Variants in CPED1 observed in about 807,000 individuals in gnomAD.
CPED1 encodes the protein cadherin like and PC-esterase domain containing 1.
CPED1 carries 114 observed loss-of-function variants against 128.2 expected under a neutral mutation model. That is an observed-to-expected ratio of 0.89 (90% confidence interval 0.76 to 1.04). CPED1 has a LOEUF of 1.04. Ranked by LOEUF, CPED1 falls within the 50% of genes least tolerant of loss-of-function variation. CPED1 has a pLI of 0.00. For synonymous variants in CPED1, 462 were observed against 426.7 expected, an observed-to-expected ratio of 1.08 and a Z score of -1.02; for missense variants, 1,211 against 1,207.1, an observed-to-expected ratio of 1.00 and a Z score of -0.05.
intron 5 of CPED1, among the ~76,000 whole-genome samples, chr7:121,069,739 G>A (rs1793942100): frequency 6.6e-6 from 1 of 152,090 alleles, no homozygotes; most frequent in Non-Finnish European, 1.5e-5. Flanking sequence ...GTTTTTTGTT[G>A]CTTTTTATTA....
intron 4 of CPED1, among the ~76,000 whole-genome samples, chr7:121,062,385 C>T (rs1793695669): frequency 6.6e-6 from 1 of 152,192 alleles, no homozygotes; most frequent in Admixed American, 6.5e-5. Context: ...TCTATTACAA[C>T]ACTACATTGT....
Position 121,295,697 on chromosome 7 carries a change from C to A in CPED1, c.*45C>A. The A allele has an allele frequency of 6.4e-7, 1 of 1,551,558 alleles. No homozygotes were observed. The highest frequency in any genetic ancestry group is 1.1e-5 in the South Asian group (1 of 88,928). ...AATCTGGAGCTGGAGACGAGCTAGT[C>A]ACCCGGACAATGGTCTAGGAGCCAA... On this transcript the variant is annotated 3_prime_UTR_variant, in exon 23 of 23. Coordinates refer to ENST00000310396, the MANE Select transcript of CPED1 (RefSeq NM_024913.5).
At chr7:121,264,753 AG>A (rs1250334183) in intron 18 of CPED1, among the ~76,000 whole-genome samples, 2 of 152,114 alleles carry the variant, frequency 1.3e-5, no homozygotes, top group East Asian at 1.9e-4. Context: ...CTCCAAAGAA[AG>A]AAAAAGACCG....
At chr7:121,100,146 A>C in intron 7 of CPED1, 52 bp downstream of exon 7, 1 of 1,548,128 alleles carries the variant, frequency 6.5e-7, no homozygotes, top group Non-Finnish European at 8.9e-7. Flanking sequence ...GAAGTAAAGT[A>C]AAGTGAGTTG....
chr7:120,996,399 A>T (rs916301262), intron 2 of CPED1, among the ~76,000 whole-genome samples: 1 of 152,232 alleles, frequency 6.6e-6, no homozygotes, highest in East Asian at 1.9e-4. Context: ...AGTAGTATTA[A>T]TCATATTTAC....
At chr7:121,022,067 C>A (rs1792454103) in intron 3 of CPED1, among the ~76,000 whole-genome samples, 1 of 151,766 alleles carries the variant, frequency 6.6e-6, no homozygotes, top group Admixed American at 6.6e-5. Flanking sequence ...AAAAAAAAAT[C>A]TGTAAGCTTC....
At chr7:121,223,016 G>A (rs749862877) in intron 16 of CPED1, among the ~76,000 whole-genome samples, 3 of 152,098 alleles carry the variant, frequency 2.0e-5, no homozygotes, top group African/African-American at 4.8e-5. Flanking sequence ...GTGAGAGAGG[G>A]CATCCTTGTC....
intron 16 of CPED1, among the ~76,000 whole-genome samples, chr7:121,189,866 T>A (rs1797096938): frequency 6.9e-6 from 1 of 145,944 alleles, no homozygotes; most frequent in East Asian, 2.0e-4. Context: ...ATGCAAAGAT[T>A]TATTTATTCA....
Position 121,295,502 on chromosome 7 carries a change from TATC to T in CPED1, c.2934_2936del (p.Ile978del), listed in dbSNP as rs1463228884. 1 of 1,613,960 alleles carries T rather than the reference TATC, an allele frequency of 6.2e-7. No homozygotes were observed. Among genetic ancestry groups the T allele is most frequent in the Non-Finnish European group, 8.5e-7 (1 of 1,179,864 alleles). On this transcript the variant is annotated inframe_deletion, in exon 23 of 23. Transcript: ENST00000310396. ...TTAAAATGAAAAGATCAAGAAATCA[TATC>T]ATGGGAAGATATTTCAGCAATCAAA...
intron 3 of CPED1, among the ~76,000 whole-genome samples, chr7:121,039,320 T>C (rs1396015636): frequency 6.6e-6 from 1 of 152,076 alleles, no homozygotes; most frequent in Non-Finnish European, 1.5e-5. Context: ...TCGACGTACC[T>C]TTGTTGTTAC....
intron 7 of CPED1, among the ~76,000 whole-genome samples, chr7:121,109,426 C>T (rs955432671): frequency 6.6e-5 from 10 of 152,010 alleles, no homozygotes; most frequent in Admixed American, 4.6e-4. Flanking sequence ...CTTAGAAGCT[C>T]GATGAAGCAA....
chr7:121,145,912 G>A (rs1044210184), intron 16 of CPED1, among the ~76,000 whole-genome samples: 4 of 151,810 alleles, frequency 2.6e-5, no homozygotes, highest in African/African-American at 9.7e-5. Flanking sequence ...GCCTATGCAG[G>A]CAAATCTAAA....
chr7:121,058,812 G>A (rs1401957808), intron 4 of CPED1, among the ~76,000 whole-genome samples: 1 of 152,170 alleles, frequency 6.6e-6, no homozygotes, highest in Non-Finnish European at 1.5e-5. Flanking sequence ...ACTTTATTAT[G>A]TAAACAACAT....
chr7:121,096,599 G>A (rs1794704606), intron 5 of CPED1, among the ~76,000 whole-genome samples: 1 of 151,994 alleles, frequency 6.6e-6, no homozygotes, highest in South Asian at 2.1e-4. Flanking sequence ...ACTTGTAAAA[G>A]TACACCAAAA....
At chr7:121,115,910 C>G (rs752857915) in intron 7 of CPED1, among the ~76,000 whole-genome samples, 7 of 152,156 alleles carry the variant, frequency 4.6e-5, no homozygotes, top group Non-Finnish European at 7.4e-5. Flanking sequence ...AGCTTTTGCT[C>G]TTTGCTGTTA....
intron 3 of CPED1, among the ~76,000 whole-genome samples, chr7:121,018,580 C>G (rs1256773295): frequency 6.6e-6 from 1 of 151,946 alleles, no homozygotes; most frequent in Admixed American, 6.6e-5. Flanking sequence ...TACTGAGTAC[C>G]CAGGTGCAGT....
chr7:121,099,965 T>G lies in CPED1; in HGVS notation c.789T>G (p.Phe263Leu), dbSNP rs749298766. The G allele has an allele frequency of 6.2e-7, 1 of 1,613,664 alleles. No individual in the cohort carries two copies. Among genetic ancestry groups the G allele is most frequent in the Non-Finnish European group, 8.5e-7 (1 of 1,179,860 alleles). Residue 263 changes from phenylalanine (F) to leucine (L), a missense_variant, in exon 7 of 23, where the codon TTT becomes TTG. Transcript: ENST00000310396. Reference protein sequence around the residue: ...TTVLAPHETIFRAEDLSVILK... With the variant: ...TTVLAPHETILRAEDLSVILK... ...TCCTTGCTCCACATGAAACAATCTTTCGAGCCGAAGATCTATCTGTGATTC... is the reference window on the plus strand; with the variant it reads ...TCCTTGCTCCACATGAAACAATCTTGCGAGCCGAAGATCTATCTGTGATTC...
chr7:121,196,168 A>G (rs150090426), intron 16 of CPED1, among the ~76,000 whole-genome samples: 4 of 152,026 alleles, frequency 2.6e-5, no homozygotes, highest in African/African-American at 4.8e-5. Context: ...GAATTTTGCT[A>G]TTGGCTGCTG....
In CPED1 at chr7:121,128,409, C is replaced by T; in HGVS notation, c.1330C>T (p.Gln444Ter). ...TGAAAACTATCAAAAGGAACTAAAT[C>T]AGTGTCTGTCCTTAGAAGAAATTAA... ...KGENYQKELN[Q>*]CLSLEEINSI... The change falls in exon 11 of 23, where the codon CAG becomes TAG. Residue 444 changes from glutamine to a stop codon, truncating the protein, a stop_gained. Coordinates refer to ENST00000310396, the MANE Select transcript of CPED1 (RefSeq NM_024913.5). LOFTEE classifies it high-confidence loss of function. 1 of 1,597,166 alleles carries T rather than the reference C, an allele frequency of 6.3e-7. No homozygotes were observed. Among genetic ancestry groups the T allele is most frequent in the South Asian group, 1.1e-5 (1 of 90,716 alleles).
Sources: gnomAD v4.1 joint callset for allele counts (sites outside exome capture counted in the v4.1 genomes callset) on GRCh38, gnomAD v4.1.1 for gene constraint, MANE v1.5 for transcripts, NCBI Gene and HGNC (gene_info 2026-07-23, HGNC 2026-07-21) for gene names.